The following CARMIL1 variants were observed in gnomAD, a reference collection of about 807,000 sequenced individuals.
CARMIL1 encodes capping protein regulator and myosin 1 linker 1.
Under a neutral mutation model 177.1 loss-of-function variants are expected in CARMIL1, and 90 were observed. That is an observed-to-expected ratio of 0.51 (90% CI 0.43 to 0.61). The LOEUF (loss-of-function observed/expected upper bound fraction) is 0.61, where lower values mean the gene tolerates loss of function less well. CARMIL1 is among the 20% of genes least tolerant of loss of function. The pLI is 0.00. For missense variants in CARMIL1, 1,380 were observed against 1,667.0 expected, an observed-to-expected ratio of 0.83 and a Z score of 3.00; for synonymous variants, 577 against 606.2, an observed-to-expected ratio of 0.95 and a Z score of 0.71.
chr6:25,283,916 C>A (rs776702432), intron 1 of CARMIL1, among the ~76,000 whole-genome samples: 1 of 151,914 alleles, frequency 6.6e-6, no homozygotes, highest in Admixed American at 6.6e-5. Context: ...CAGGGTTTAT[C>A]CATGTTGGCC....
At chr6:25,598,009 T>C (rs924606436) in intron 32 of CARMIL1, among the ~76,000 whole-genome samples, 34 of 152,174 alleles carry the variant, frequency 2.2e-4, no homozygotes, top group African/African-American at 7.7e-4. Context: ...TTTGTTTTCC[T>C]GCTCCTGGAA....
At chr6:25,563,207 T>G in intron 29 of CARMIL1, 1 of 985,352 alleles carries the variant, frequency 1.0e-6, no homozygotes, top group Non-Finnish European at 1.2e-6. Context: ...CTTAGAAACC[T>G]CATGCTTTTC....
chr6:25,375,239 T>G (rs1790856843), intron 2 of CARMIL1, among the ~76,000 whole-genome samples: 2 of 152,336 alleles, frequency 1.3e-5, no homozygotes, highest in South Asian at 4.1e-4. Flanking sequence ...ACTCCTTCAT[T>G]TGTAACACTT....
At chr6:25,294,279 A>G (rs1332783089) in intron 2 of CARMIL1, among the ~76,000 whole-genome samples, 4 of 152,130 alleles carry the variant, frequency 2.6e-5, no homozygotes, top group African/African-American at 4.8e-5. Flanking sequence ...GGAGACATTT[A>G]TGGACATTGA....
chr6:25,367,839 G>C (rs1230241534), intron 2 of CARMIL1, among the ~76,000 whole-genome samples: 1 of 152,094 alleles, frequency 6.6e-6, no homozygotes, highest in Non-Finnish European at 1.5e-5. Context: ...GCTCACTGCA[G>C]CTTCTGCCTC....
rs762268855 is a variant in CARMIL1, at chr6:25,311,223, C to T, written c.138+26314C>T. Among the ~76,000 whole-genome samples, 17 of 151,904 alleles carry T rather than the reference C, an allele frequency of 1.1e-4. 1 individual carries two copies. Among genetic ancestry groups the T allele is most frequent in the Non-Finnish European group, 2.2e-4 (15 of 67,960 alleles). On this transcript the variant is annotated intron_variant, in intron 2 of 36. Transcript: ENST00000329474. ...ACAAAAAAAACCATGACGGGTTGAA[C>T]GCATAAGTACCTTTAGTTTTTCCAA...
chr6:25,587,793 CAG>C (rs1383085245), intron 31 of CARMIL1, among the ~76,000 whole-genome samples: 1 of 152,122 alleles, frequency 6.6e-6, no homozygotes, highest in African/African-American at 2.4e-5. Flanking sequence ...AATTGACTGT[CAG>C]AAAGTCTTTG....
intron 26 of CARMIL1, among the ~76,000 whole-genome samples, chr6:25,541,375 G>C (rs1479951281): frequency 6.6e-6 from 1 of 152,034 alleles, no homozygotes; most frequent in Admixed American, 6.5e-5. Context: ...TACAATTATA[G>C]GTTGATGAAT....
At chr6:25,280,416 G>C (rs1357019013) in intron 1 of CARMIL1, among the ~76,000 whole-genome samples, 3 of 152,132 alleles carry the variant, frequency 2.0e-5, no homozygotes, top group Non-Finnish European at 2.9e-5. Context: ...TAGCCAGCTG[G>C]GAGCGAAAGG....
chr6:25,581,567 G>GTATATCT, intron 31 of CARMIL1, 128 bp downstream of exon 31: 1 of 777,302 alleles, frequency 1.3e-6, no homozygotes, highest in African/African-American at 1.8e-5. Context: ...GAACCTCTTT[G>GTATATCT]CATGAGATAT....
chr6:25,445,074 C>T (rs9295659), intron 5 of CARMIL1, among the ~76,000 whole-genome samples: 20,190 of 152,184 alleles, frequency 0.13, 1,327 homozygotes, highest in Middle Eastern at 0.21. Flanking sequence ...TTCTAACTGG[C>T]GTGAGATGGT....
intron 2 of CARMIL1, among the ~76,000 whole-genome samples, chr6:25,351,890 G>GAAA (rs1174481481): frequency 2.8e-4 from 42 of 152,014 alleles, no homozygotes; most frequent in Non-Finnish European, 5.4e-4. Flanking sequence ...GCACTTCTCT[G>GAAA]TGCTAGGAGT....
intron 32 of CARMIL1, among the ~76,000 whole-genome samples, chr6:25,595,981 T>C (rs1814800713): frequency 6.6e-6 from 1 of 152,176 alleles, no homozygotes; most frequent in Admixed American, 6.5e-5. Flanking sequence ...CTCATCTCCA[T>C]GTGATTTACA....
chr6:25,510,817 T>C, intron 20 of CARMIL1, 55 bp downstream of exon 20: 2 of 1,018,168 alleles, frequency 2.0e-6, no homozygotes, highest in South Asian at 1.5e-5. Flanking sequence ...CCATTCTTAC[T>C]GATTATTTCT....
chr6:25,315,211 C>G (rs980748764), intron 2 of CARMIL1, among the ~76,000 whole-genome samples: 7 of 152,180 alleles, frequency 4.6e-5, no homozygotes, highest in Admixed American at 4.6e-4. Flanking sequence ...GGACAGTGCT[C>G]ATTTCCATTG....
intron 2 of CARMIL1, among the ~76,000 whole-genome samples, chr6:25,355,931 CTT>C (rs1788549458): frequency 6.6e-6 from 1 of 152,074 alleles, no homozygotes; most frequent in Non-Finnish European, 1.5e-5. Flanking sequence ...TGAGCCATGT[CTT>C]TACACAGTTG....
At chr6:25,358,346 TAGG>T (rs1788845200) in intron 2 of CARMIL1, among the ~76,000 whole-genome samples, 1 of 152,178 alleles carries the variant, frequency 6.6e-6, no homozygotes, top group South Asian at 2.1e-4. Context: ...AATATAAAGG[TAGG>T]AGAGGTATTA....
intron 2 of CARMIL1, among the ~76,000 whole-genome samples, chr6:25,369,379 G>T (rs183233081): frequency 0.05 from 7,078 of 140,728 alleles, 192 homozygotes; most frequent in African/African-American, 0.064. Context: ...GCTGTATTTT[G>T]TTTTTTTTTT....
At chr6:25,585,494 G>A (rs570828560) in intron 31 of CARMIL1, among the ~76,000 whole-genome samples, 2 of 152,274 alleles carry the variant, frequency 1.3e-5, no homozygotes, top group East Asian at 1.9e-4. Flanking sequence ...TGCCAAAAAT[G>A]TACAAATAGA....
Sources: gnomAD v4.1 joint callset for allele counts (sites outside exome capture counted in the v4.1 genomes callset) on GRCh38, gnomAD v4.1.1 for gene constraint, MANE v1.5 for transcripts, NCBI Gene and HGNC (gene_info 2026-07-23, HGNC 2026-07-21) for gene names.